The following RP1 variants were observed in gnomAD, a reference collection of about 807,000 sequenced individuals.
The protein encoded by RP1 is RP1 axonemal microtubule associated.
RP1 carries 16 observed loss-of-function variants against 14.8 expected under a neutral mutation model. The ratio of observed to expected loss-of-function variants is 1.08; its 90% CI spans 0.73 to 1.65. The LOEUF is 1.65. Ranked by LOEUF, RP1 falls within the 40% of genes most tolerant of loss-of-function variation. RP1 has a pLI of 0.00. For missense variants in RP1, 2,631 were observed against 2,535.0 expected, an observed-to-expected ratio of 1.04 and a Z score of -0.81; for synonymous variants, 876 against 883.6, an observed-to-expected ratio of 0.99 and a Z score of 0.15.
intron 25 of RP1, among the ~76,000 whole-genome samples, chr8:54,840,032 T>C (rs1353408163): frequency 6.6e-6 from 1 of 151,938 alleles, no homozygotes; most frequent in African/African-American, 2.4e-5. Context: ...GTGGGAAAAA[T>C]GAAGGGGTCC....
intron 3 of RP1, among the ~76,000 whole-genome samples, chr8:54,622,594 C>T (rs1805911251): frequency 6.6e-6 from 1 of 152,164 alleles, no homozygotes; most frequent in South Asian, 2.1e-4. Context: ...AGAGTGGAGT[C>T]TGTGTAAGTC....
At chr8:54,571,253 A>G (rs1288161904) in intron 1 of RP1, among the ~76,000 whole-genome samples, 1 of 152,168 alleles carries the variant, frequency 6.6e-6, no homozygotes, top group Non-Finnish European at 1.5e-5. Context: ...CCCTTGGCCC[A>G]TAGACTGATT....
At chr8:54,853,319 T>C (rs1185612252) in intron 26 of RP1, among the ~76,000 whole-genome samples, 1 of 152,022 alleles carries the variant, frequency 6.6e-6, no homozygotes, top group African/African-American at 2.4e-5. Context: ...TTGAGAGCAG[T>C]GATCCCAGGA....
intron 23 of RP1, among the ~76,000 whole-genome samples, chr8:54,782,057 G>T (rs1810202547): frequency 6.6e-6 from 1 of 152,190 alleles, no homozygotes; most frequent in African/African-American, 2.4e-5. Flanking sequence ...TACAAAAAAG[G>T]AAAGAGATCC....
chr8:54,804,355 T>C (rs1585706580), intron 24 of RP1, among the ~76,000 whole-genome samples: 2 of 152,134 alleles, frequency 1.3e-5, no homozygotes, highest in African/African-American at 4.8e-5. Flanking sequence ...CTATTCCAAA[T>C]GACGTTAAGG....
chr8:54,678,633 A>C (rs755801572), intron 9 of RP1: 3 of 959,620 alleles, frequency 3.1e-6, no homozygotes, highest in Non-Finnish European at 4.6e-6. Flanking sequence ...GTTCCTAGTC[A>C]CTGAGTCTTT....
chr8:54,796,220 T>C (rs1810573347), intron 24 of RP1, among the ~76,000 whole-genome samples: 5 of 152,192 alleles, frequency 3.3e-5, no homozygotes. Context: ...TTATTAAAAA[T>C]AATAGTACCT....
intron 1 of RP1, among the ~76,000 whole-genome samples, chr8:54,600,340 TTTCTTTATAAA>T (rs2129304330): frequency 6.6e-6 from 1 of 152,296 alleles, no homozygotes; most frequent in Non-Finnish European, 1.5e-5. Flanking sequence ...ATTAAACCTC[TTTCTTTATAAA>T]TTACCGAGTC....
chr8:54,714,075 A>G (rs1808348101), intron 15 of RP1, among the ~76,000 whole-genome samples: 1 of 152,042 alleles, frequency 6.6e-6, no homozygotes, highest in Non-Finnish European at 1.5e-5. Flanking sequence ...ACAGATGCCC[A>G]CCACCACGCC....
At chr8:54,788,477 T>G (rs1055962309) in intron 24 of RP1, among the ~76,000 whole-genome samples, 1 of 152,156 alleles carries the variant, frequency 6.6e-6, no homozygotes, top group Non-Finnish European at 1.5e-5. Context: ...TTCCTTTTTT[T>G]TTGTTTTTTA....
intron 1 of RP1, among the ~76,000 whole-genome samples, chr8:54,599,703 C>A (rs1160558965): frequency 6.6e-6 from 1 of 152,152 alleles, no homozygotes; most frequent in African/African-American, 2.4e-5. Context: ...GATCCACTTG[C>A]CTTGGCCTCC....
intron 24 of RP1, among the ~76,000 whole-genome samples, chr8:54,785,735 C>T (rs2375219): frequency 0.32 from 48,493 of 151,828 alleles, 8,273 homozygotes; most frequent in South Asian, 0.39. Context: ...CTAGTGGATG[C>T]GAAATAGTAT....
In RP1 at chr8:54,628,266, A is replaced by G. The variant is rs779897629; in HGVS notation, c.4384A>G (p.Ile1462Val). The stretch of plus-strand genomic sequence containing the variant: ...CAGCATGACATCAAGTGAAAGAAAC[A>G]TTTCAGAATTGGAATCTTTTGAAGA... ...TNSMTSSERNISELESFEELE... is the reference protein window; with the variant it reads ...TNSMTSSERNVSELESFEELE... Residue 1462 changes from isoleucine to valine, a missense_variant, in exon 4 of 4, where the codon ATT becomes GTT. Physicochemically the swap from Ile to Val is conservative, Grantham distance 29 (BLOSUM62 3). Coordinates refer to ENST00000220676, the MANE Select transcript of RP1 (RefSeq NM_006269.2). 8 of 1,613,864 alleles carry G rather than the reference A, an allele frequency of 5.0e-6. No homozygotes were observed. Among genetic ancestry groups the G allele is most frequent in the South Asian group, 3.3e-5 (3 of 91,076 alleles).
rs10654889 is a variant in RP1, at chr8:54,630,600, A to ATT, written c.*260_*261dup. ...CTATCTGGTTTTGTTCTGAACTTACATTTTTTTTTTTTTTGGTATCTATGA... is the reference window on the plus strand; with the variant it reads ...CTATCTGGTTTTGTTCTGAACTTACATTTTTTTTTTTTTTTTGGTATCTATGA... On this transcript the variant is annotated 3_prime_UTR_variant, in exon 4 of 4. Coordinates refer to ENST00000220676, the MANE Select transcript of RP1 (RefSeq NM_006269.2). 337,379 of 1,064,686 alleles carry ATT rather than the reference A, an allele frequency of 0.32. 10,990 individuals carry two copies. Among genetic ancestry groups the ATT allele is most frequent in the Middle Eastern group, 0.36 (858 of 2,408 alleles). The allele number at this position is 1,064,686 out of a possible 1,614,324, so 66.0% of individuals were successfully genotyped here. A position where few individuals can be genotyped will look rare whatever the true frequency, so the allele number is the denominator to read the frequency against.
intron 12 of RP1, among the ~76,000 whole-genome samples, chr8:54,693,492 G>C (rs534664402): frequency 1.3e-5 from 2 of 151,752 alleles, no homozygotes; most frequent in Admixed American, 6.6e-5. Context: ...CTTTTATTTC[G>C]TTGAGCAGTG....
chr8:54,742,657 T>C (rs977923245), intron 19 of RP1, among the ~76,000 whole-genome samples: 5 of 152,190 alleles, frequency 3.3e-5, no homozygotes, highest in East Asian at 3.8e-4. Flanking sequence ...AGAAAAGCAA[T>C]GACCTTTTAA....
At chr8:54,778,630 T>G (rs533591696) in intron 23 of RP1, among the ~76,000 whole-genome samples, 1 of 152,136 alleles carries the variant, frequency 6.6e-6, no homozygotes, top group Non-Finnish European at 1.5e-5. Context: ...GCCATGTTAA[T>G]GCTTCTTAAG....
intron 28 of RP1, among the ~76,000 whole-genome samples, chr8:54,868,095 G>C (rs111413996): frequency 6.6e-6 from 1 of 152,124 alleles, no homozygotes; most frequent in African/African-American, 2.4e-5. Context: ...TTTTCTAGAA[G>C]TGCCACATTT....
intron 16 of RP1, among the ~76,000 whole-genome samples, chr8:54,721,523 G>A (rs1808536534): frequency 6.6e-6 from 1 of 152,102 alleles, no homozygotes; most frequent in Non-Finnish European, 1.5e-5. Flanking sequence ...TGAAATAATA[G>A]AAAAAGAAAT....
Sources: allele counts gnomAD v4.1 joint callset (sites outside exome capture counted in the v4.1 genomes callset), GRCh38; gene constraint gnomAD v4.1.1; transcripts MANE v1.5; gene names NCBI Gene and HGNC (gene_info 2026-07-23, HGNC 2026-07-21).